Variants in COL25A1 observed in about 807,000 individuals in gnomAD.
COL25A1 encodes the protein collagen alpha-1(XXV) chain.
Under a neutral mutation model 128.4 loss-of-function variants are expected in COL25A1, and 103 were observed. The ratio of observed to expected loss-of-function variants is 0.80; its 90% CI spans 0.68 to 0.94. The LOEUF (loss-of-function observed/expected upper bound fraction) is 0.94. COL25A1 is among the 40% of genes least tolerant of loss of function. The pLI, the probability that COL25A1 is intolerant of heterozygous loss-of-function variation, is 0.00. For synonymous variants in COL25A1, 279 were observed against 277.2 expected (o/e 1.01, Z -0.06); for missense variants, 745 against 840.0 (o/e 0.89, Z 1.40).
chr4:109,053,932 G>T (rs1314742459), intron 3 of COL25A1, among the ~76,000 whole-genome samples: 1 of 152,190 alleles, frequency 6.6e-6, no homozygotes, highest in African/African-American at 2.4e-5. Context: ...CTGGGTGATT[G>T]TGCTTAGGTG....
chr4:109,083,839 T>C lies in COL25A1; in HGVS notation c.368-33660A>G, dbSNP rs1764110290. On this transcript the variant is annotated intron_variant, in intron 3 of 37. Transcript: ENST00000399132. ...TGTAATAATCTTCCACAAAGAAAGA[T>C]ATAAAGTAAGAGAACAAAAAAGGAA... Among the ~76,000 whole-genome samples, 3 of 152,122 alleles carry C rather than the reference T, an allele frequency of 2.0e-5. 1 individual carries two copies. In the South Asian group the frequency reaches 6.2e-4, roughly 32 times the overall value.
At chr4:108,952,862 G>A (rs1434379270) in intron 8 of COL25A1, among the ~76,000 whole-genome samples, 1 of 70,824 alleles carries the variant, frequency 1.4e-5, no homozygotes, top group Non-Finnish European at 2.7e-5. Context: ...TTTTTGGCAT[G>A]TTTCATGCTG....
At chr4:109,141,125 TGA>T (rs1286015134) in intron 3 of COL25A1, among the ~76,000 whole-genome samples, 1 of 152,214 alleles carries the variant, frequency 6.6e-6, no homozygotes, top group Non-Finnish European at 1.5e-5. Context: ...CCTAGTTTAT[TGA>T]GAGTTTTTAG....
At chr4:109,140,694 A>T (rs1011209841) in intron 3 of COL25A1, among the ~76,000 whole-genome samples, 8 of 152,110 alleles carry the variant, frequency 5.3e-5, no homozygotes, top group Admixed American at 6.5e-5. Flanking sequence ...TCTTTGCAGC[A>T]ATTGTGAATG....
At chr4:109,011,930 C>T (rs1196719405) in intron 5 of COL25A1, among the ~76,000 whole-genome samples, 1 of 152,194 alleles carries the variant, frequency 6.6e-6, no homozygotes, top group Non-Finnish European at 1.5e-5. Context: ...ATACAGAAGC[C>T]AGTTCAGCAA....
intron 16 of COL25A1, among the ~76,000 whole-genome samples, chr4:108,890,309 C>T (rs1741334793): frequency 6.6e-6 from 1 of 152,144 alleles, no homozygotes. Context: ...ACGTTTTTTC[C>T]AGCTTTACAC....
At chr4:108,923,070 A>C (rs963284546) in intron 11 of COL25A1, among the ~76,000 whole-genome samples, 1 of 152,120 alleles carries the variant, frequency 6.6e-6, no homozygotes, top group African/African-American at 2.4e-5. Context: ...CAGAAATACC[A>C]GTTATTTTTA....
chr4:108,949,591 T>C (rs1749161675), intron 8 of COL25A1, among the ~76,000 whole-genome samples: 1 of 151,912 alleles, frequency 6.6e-6, no homozygotes, highest in Non-Finnish European at 1.5e-5. Context: ...TGGAGTGCAG[T>C]GGCACGATCT....
intron 5 of COL25A1, among the ~76,000 whole-genome samples, chr4:109,043,106 C>T (rs1211912687): frequency 8.6e-6 from 1 of 115,666 alleles, no homozygotes; most frequent in Non-Finnish European, 1.7e-5. Context: ...TTTGACTGGT[C>T]CAATGCTCAC....
At chr4:109,261,992 C>T (rs994839873) in intron 3 of COL25A1, among the ~76,000 whole-genome samples, 7 of 151,704 alleles carry the variant, frequency 4.6e-5, no homozygotes, top group African/African-American at 1.2e-4. Context: ...CCACCGCGCC[C>T]GGCTGATATA....
chr4:109,138,998 C>T (rs1349712550), intron 3 of COL25A1, among the ~76,000 whole-genome samples: 4 of 152,172 alleles, frequency 2.6e-5, no homozygotes, highest in Non-Finnish European at 5.9e-5. Context: ...TGAGCCACCA[C>T]ACCCAGCCTT....
intron 3 of COL25A1, among the ~76,000 whole-genome samples, chr4:109,060,308 C>G (rs1053935749): frequency 2.2e-4 from 33 of 152,138 alleles, no homozygotes; most frequent in African/African-American, 7.7e-4. Context: ...AGAGCAACCT[C>G]TAATCCTTTT....
intron 11 of COL25A1, among the ~76,000 whole-genome samples, chr4:108,934,101 T>C (rs1026473912): frequency 6.6e-6 from 1 of 152,064 alleles, no homozygotes; most frequent in African/African-American, 2.4e-5. Context: ...CCATCAATGA[T>C]AGACTGGATT....
At position 109,262,568 on chromosome 4, in the gene COL25A1, A is replaced by G. The variant is rs1578579887; in HGVS notation, c.367+38015T>C. On this transcript the variant is annotated intron_variant, in intron 3 of 37. Transcript: ENST00000399132. ...GTCACAACCAAGTTTACCTATTAAC[A>G]AAAACGTTTAGGGTAAGCATTATAC... Among the ~76,000 whole-genome samples the G allele has an allele frequency of 2.6e-5, 4 of 152,228 alleles. 1 individual carries two copies. Among genetic ancestry groups the G allele is most frequent in the Admixed American group, 2.6e-4 (4 of 15,284 alleles).
At chr4:109,263,175 C>T (rs943614943) in intron 3 of COL25A1, among the ~76,000 whole-genome samples, 1 of 151,980 alleles carries the variant, frequency 6.6e-6, no homozygotes, top group South Asian at 2.1e-4. Context: ...AAAATAAGAG[C>T]AATATTTTAA....
At chr4:109,176,594 T>C (rs72888897) in intron 3 of COL25A1, among the ~76,000 whole-genome samples, 2,629 of 152,234 alleles carry the variant, frequency 0.017, 70 homozygotes, top group African/African-American at 0.06. Context: ...GGGTGGTATA[T>C]TGGGTAGAAC....
In COL25A1 at chr4:109,170,170, C is replaced by G. The variant is rs551773222; in HGVS notation, c.368-119991G>C. Among the ~76,000 whole-genome samples the G allele has an allele frequency of 4.6e-5, 7 of 152,066 alleles. No individual in the cohort carries two copies. In the East Asian group the frequency reaches 1.4e-3, roughly 29 times the overall value. ...AAATGCAAGCAAGGAGAAAATTAAA[C>G]AGTATTCTATGTTTATTTTTCTGAT... On this transcript the variant is annotated intron_variant, in intron 3 of 37. Transcript: ENST00000399132.
At chr4:109,281,026 T>C (rs981596582) in intron 3 of COL25A1, among the ~76,000 whole-genome samples, 1 of 152,210 alleles carries the variant, frequency 6.6e-6, no homozygotes, top group East Asian at 1.9e-4. Context: ...TATAAATATG[T>C]AGATAGACAA....
chr4:109,107,527 AT>A (rs1244373407), intron 3 of COL25A1, among the ~76,000 whole-genome samples: 1 of 152,160 alleles, frequency 6.6e-6, no homozygotes, highest in African/African-American at 2.4e-5. Context: ...AGATAATAAC[AT>A]TTTTTTCATC....
Sources: gnomAD v4.1 joint callset for allele counts (sites outside exome capture counted in the v4.1 genomes callset) on GRCh38, gnomAD v4.1.1 for gene constraint, MANE v1.5 for transcripts, NCBI Gene and HGNC (gene_info 2026-07-23, HGNC 2026-07-21) for gene names.